WWOX: variants seen among roughly 807,000 people sequenced by gnomAD.
WWOX encodes the protein WW domain containing oxidoreductase.
WWOX carries 69 observed loss-of-function variants against 46.2 expected under a neutral mutation model. That is an observed-to-expected ratio of 1.49 (90% CI 1.23 to 1.82). The LOEUF (loss-of-function observed/expected upper bound fraction) is 1.82, where lower values mean the gene tolerates loss of function less well. Ranked by LOEUF, WWOX falls within the 40% of genes most tolerant of loss-of-function variation. The pLI is 0.00. For missense variants in WWOX, 919 were observed against 542.6 expected, an observed-to-expected ratio of 1.69 and a Z score of -6.89; for synonymous variants, 359 against 202.6, an observed-to-expected ratio of 1.77 and a Z score of -6.56.
At chr16:79,089,106 G>C (rs578183065) in intron 8 of WWOX, among the ~76,000 whole-genome samples, 1 of 152,106 alleles carries the variant, frequency 6.6e-6, no homozygotes, top group African/African-American at 2.4e-5. Flanking sequence ...CCAAGGGTGC[G>C]AATGTGACTT....
intron 8 of WWOX, among the ~76,000 whole-genome samples, chr16:78,835,999 T>C (rs2051971928): frequency 6.6e-6 from 1 of 152,234 alleles, no homozygotes; most frequent in African/African-American, 2.4e-5. Flanking sequence ...TCGTTATTCT[T>C]GTTCCCTTCA....
At chr16:78,574,439 A>G (rs1349440853) in intron 8 of WWOX, among the ~76,000 whole-genome samples, 1 of 152,040 alleles carries the variant, frequency 6.6e-6, no homozygotes, top group South Asian at 2.1e-4. Flanking sequence ...TTGCTGCCAA[A>G]TAATGTCTCT....
intron 8 of WWOX, among the ~76,000 whole-genome samples, chr16:78,935,930 A>G (rs1352675298): frequency 6.6e-6 from 1 of 151,984 alleles, no homozygotes; most frequent in Non-Finnish European, 1.5e-5. Flanking sequence ...ATAAAATAAA[A>G]TAAGCAGCAG....
At chr16:78,995,825 C>G (rs995014518) in intron 8 of WWOX, among the ~76,000 whole-genome samples, 40 of 152,078 alleles carry the variant, frequency 2.6e-4, no homozygotes, top group African/African-American at 9.7e-4. Flanking sequence ...AAAGGAGACC[C>G]GAGGTGGCCT....
At chr16:78,257,489 G>A (rs570806263) in intron 5 of WWOX, among the ~76,000 whole-genome samples, 43 of 152,170 alleles carry the variant, frequency 2.8e-4, no homozygotes, top group Admixed American at 6.5e-4. Context: ...AGACTCTTTG[G>A]GTATGTCTCA....
At chr16:78,241,658 T>C (rs1332807315) in intron 5 of WWOX, among the ~76,000 whole-genome samples, 1 of 152,164 alleles carries the variant, frequency 6.6e-6, no homozygotes. Flanking sequence ...CAGGCTGGTC[T>C]TGAACTCCTC....
chr16:78,963,150 C>T (rs569446539), intron 8 of WWOX, among the ~76,000 whole-genome samples: 4 of 152,218 alleles, frequency 2.6e-5, no homozygotes, highest in African/African-American at 9.6e-5. Flanking sequence ...CTTGTCTATC[C>T]ATCAGTCTAT....
At chr16:79,144,922 T>C (rs1356726226) in intron 8 of WWOX, among the ~76,000 whole-genome samples, 1 of 152,192 alleles carries the variant, frequency 6.6e-6, no homozygotes, top group East Asian at 1.9e-4. Flanking sequence ...ATTGTAGGTA[T>C]GTATGTATAG....
intron 8 of WWOX, among the ~76,000 whole-genome samples, chr16:78,540,103 C>T (rs923925869): frequency 2.0e-5 from 3 of 151,956 alleles, no homozygotes; most frequent in Admixed American, 6.6e-5. Context: ...TCCACCCTCA[C>T]ACTTTTTTTA....
intron 8 of WWOX, among the ~76,000 whole-genome samples, chr16:78,453,296 G>A (rs894141365): frequency 6.6e-6 from 1 of 151,872 alleles, no homozygotes; most frequent in Admixed American, 6.6e-5. Context: ...TGGTAGCGGT[G>A]CCTGTAATCC....
chr16:79,045,332 T>A (rs2048044433), intron 8 of WWOX, among the ~76,000 whole-genome samples: 1 of 152,112 alleles, frequency 6.6e-6, no homozygotes. Flanking sequence ...AGGCTGGAGT[T>A]GCATTTTAAT....
chr16:78,393,911 GA>G (rs1038948277), intron 6 of WWOX, among the ~76,000 whole-genome samples: 1 of 151,382 alleles, frequency 6.6e-6, no homozygotes, highest in Admixed American at 6.6e-5. Flanking sequence ...CATATGGGAG[GA>G]AAAAAAATCT....
intron 8 of WWOX, among the ~76,000 whole-genome samples, chr16:78,808,326 C>T (rs1220462816): frequency 6.6e-6 from 1 of 152,178 alleles, no homozygotes; most frequent in Non-Finnish European, 1.5e-5. Flanking sequence ...CCACTTCAAA[C>T]CTGTATATGC....
chr16:79,166,121 C>T (rs922709200), intron 8 of WWOX, among the ~76,000 whole-genome samples: 1 of 152,154 alleles, frequency 6.6e-6, no homozygotes, highest in Non-Finnish European at 1.5e-5. Context: ...GGGGTATTGC[C>T]GAAGTCCATT....
intron 8 of WWOX, among the ~76,000 whole-genome samples, chr16:79,027,774 A>G (rs532888810): frequency 6.6e-6 from 1 of 151,640 alleles, no homozygotes; most frequent in African/African-American, 2.4e-5. Flanking sequence ...TTTGATATAG[A>G]TGTCTCTTGA....
intron 8 of WWOX, among the ~76,000 whole-genome samples, chr16:78,941,373 T>C (rs1010879110): frequency 6.6e-6 from 1 of 152,156 alleles, no homozygotes; most frequent in African/African-American, 2.4e-5. Context: ...CCTTGGAAGC[T>C]CCGTGGCCAT....
At chr16:78,379,531 G>T (rs981000762) in intron 5 of WWOX, among the ~76,000 whole-genome samples, 1 of 152,156 alleles carries the variant, frequency 6.6e-6, no homozygotes, top group Non-Finnish European at 1.5e-5. Context: ...ACAAAGAGCT[G>T]CTGCTTTGTG....
chr16:78,365,392 C>T (rs964752433), intron 5 of WWOX, among the ~76,000 whole-genome samples: 11 of 152,094 alleles, frequency 7.2e-5, no homozygotes, highest in Non-Finnish European at 1.2e-4. Flanking sequence ...TATTTACATC[C>T]GTCTAAATCA....
chr16:78,291,382 A>G (rs1401123118), intron 5 of WWOX, among the ~76,000 whole-genome samples: 1 of 152,176 alleles, frequency 6.6e-6, no homozygotes, highest in African/African-American at 2.4e-5. Context: ...AACATGTTCT[A>G]TAATTATAAT....
Sources: allele counts gnomAD v4.1 joint callset (sites outside exome capture counted in the v4.1 genomes callset), GRCh38; gene constraint gnomAD v4.1.1; transcripts MANE v1.5; gene names NCBI Gene and HGNC (gene_info 2026-07-23, HGNC 2026-07-21).